The following CEMIP variants were observed in gnomAD, a reference collection of about 807,000 sequenced individuals.
The protein encoded by CEMIP is cell migration inducing hyaluronidase 1, also known as cell migration-inducing and hyaluronan-binding protein.
In CEMIP, 105 loss-of-function variants were observed where a neutral mutation model predicts 156.9. The observed-to-expected ratio is 0.67, with a 90% CI of 0.57 to 0.79. The LOEUF (loss-of-function observed/expected upper bound fraction) is 0.79. Ranked by LOEUF, CEMIP falls within the 30% of genes least tolerant of loss-of-function variation. The pLI is 0.00. For synonymous variants in CEMIP, 676 were observed against 668.4 expected (o/e 1.01, Z -0.17); for missense variants, 1,457 against 1,769.4 (o/e 0.82, Z 3.17).
At chr15:80,788,487 G>A (rs1329530480) in intron 1 of CEMIP, among the ~76,000 whole-genome samples, 12 of 141,048 alleles carry the variant, frequency 8.5e-5, no homozygotes, top group East Asian at 2.0e-4. Context: ...AAAAAAAAAA[G>A]AAAAAAGAAA....
intron 1 of CEMIP, among the ~76,000 whole-genome samples, chr15:80,861,078 C>T (rs529930734): frequency 7.9e-5 from 12 of 152,228 alleles, no homozygotes; most frequent in East Asian, 7.7e-4. Context: ...CCCCTGTCTC[C>T]GACAACTGGA....
Position 80,878,761 on chromosome 15 carries a change from C to T in CEMIP, c.135C>T (p.Pro45=). ...CTGACCAGAGCCCTGAGTTGCAACC[C>T]TGGAACCCTGGCCATGACCAAGACC... ...GCPDQSPELQ[P]WNPGHDQDHH... The change falls in exon 4 of 30, where the codon CCC becomes CCT. Residue 45 remains proline (P), a synonymous_variant. Transcript: ENST00000394685. 1 of 1,614,128 alleles carries T rather than the reference C, an allele frequency of 6.2e-7. No homozygotes were observed. Among genetic ancestry groups the T allele is most frequent in the Non-Finnish European group, 8.5e-7 (1 of 1,180,014 alleles).
intron 1 of CEMIP, among the ~76,000 whole-genome samples, chr15:80,836,598 C>G (rs1157080821): frequency 7.7e-6 from 1 of 130,236 alleles, no homozygotes; most frequent in African/African-American, 2.7e-5. Context: ...CCTATGAGTT[C>G]TTTTGTTTTT....
At chr15:80,872,163 C>T (rs1017973903) in intron 1 of CEMIP, among the ~76,000 whole-genome samples, 7 of 152,178 alleles carry the variant, frequency 4.6e-5, no homozygotes, top group East Asian at 1.9e-4. Context: ...CCAGACTTTT[C>T]GCTAAGCTGG....
At chr15:80,830,912 T>C (rs1897142522) in intron 1 of CEMIP, among the ~76,000 whole-genome samples, 1 of 152,156 alleles carries the variant, frequency 6.6e-6, no homozygotes, top group Admixed American at 6.5e-5. Flanking sequence ...AATATCTGCT[T>C]GTATCCATTA....
Position 80,895,861 on chromosome 15 carries a change from G to T in CEMIP, c.1220-8G>T. On this transcript the variant is annotated splice_polypyrimidine_tract_variant and splice_region_variant and intron_variant, in intron 11 of 29. Transcript: ENST00000394685. Reference sequence around the variant, plus strand: ...CTCTATCTCAGTCTTTCCTGTTTTGGGTTACAGTGAGGCCCAAACTCACAG... The same window carrying T: ...CTCTATCTCAGTCTTTCCTGTTTTGTGTTACAGTGAGGCCCAAACTCACAG... The T allele has an allele frequency of 6.2e-7, 1 of 1,614,012 alleles. No individual in the cohort carries two copies. Among genetic ancestry groups the T allele is most frequent in the Non-Finnish European group, 8.5e-7 (1 of 1,179,950 alleles).
At chr15:80,826,775 T>C (rs751229242) in intron 1 of CEMIP, among the ~76,000 whole-genome samples, 2 of 152,234 alleles carry the variant, frequency 1.3e-5, no homozygotes, top group Non-Finnish European at 2.9e-5. Flanking sequence ...GTGGCATTCA[T>C]GCTTCAGTGT....
chr15:80,829,990 G>GTT (rs1555428890), intron 1 of CEMIP, among the ~76,000 whole-genome samples: 3,239 of 149,268 alleles, frequency 0.022, 51 homozygotes, highest in Middle Eastern at 0.028. Context: ...GTGTGTGTGT[G>GTT]TGTGTGTGTG....
At chr15:80,939,206 A>G (rs759821364) in intron 25 of CEMIP, among the ~76,000 whole-genome samples, 6 of 152,156 alleles carry the variant, frequency 3.9e-5, no homozygotes, top group Non-Finnish European at 7.4e-5. Context: ...GCACTGGGCA[A>G]TTACAGGCTC....
At chr15:80,894,951 A>C in intron 10 of CEMIP, 39 bp from the exon 11 acceptor site, 2 of 1,613,774 alleles carry the variant, frequency 1.2e-6, no homozygotes, top group African/African-American at 1.3e-5. Flanking sequence ...TCTATAAAAA[A>C]AAAACGACTT....
At chr15:80,806,732 G>T (rs966481600) in intron 1 of CEMIP, among the ~76,000 whole-genome samples, 5 of 152,120 alleles carry the variant, frequency 3.3e-5, no homozygotes, top group African/African-American at 1.2e-4. Context: ...CTAACCTTTG[G>T]AGTTATGCCA....
chr15:80,943,854 C>T (rs1251472763), intron 28 of CEMIP, among the ~76,000 whole-genome samples: 1 of 152,216 alleles, frequency 6.6e-6, no homozygotes, highest in Non-Finnish European at 1.5e-5. Flanking sequence ...TCCATATTGG[C>T]CGCTGGTTTA....
chr15:80,874,017 G>A (rs1003054957), intron 3 of CEMIP, 44 bp downstream of exon 3: 1 of 1,515,050 alleles, frequency 6.6e-7, no homozygotes, highest in Non-Finnish European at 9.0e-7. Flanking sequence ...CAGCATGGAA[G>A]GCACGGCCCC....
chr15:80,797,310 T>C (rs1896254712), intron 1 of CEMIP, among the ~76,000 whole-genome samples: 1 of 152,104 alleles, frequency 6.6e-6, no homozygotes, highest in African/African-American at 2.4e-5. Context: ...CCATCGCTAT[T>C]CGATGCCACA....
intron 1 of CEMIP, among the ~76,000 whole-genome samples, chr15:80,794,284 A>G (rs2141585876): frequency 6.6e-6 from 1 of 152,296 alleles, no homozygotes; most frequent in South Asian, 2.1e-4. Context: ...TATTTTTTTA[A>G]CCAGAAGTTT....
intron 1 of CEMIP, among the ~76,000 whole-genome samples, chr15:80,865,871 C>T (rs117342877): frequency 6.6e-6 from 1 of 152,178 alleles, no homozygotes; most frequent in East Asian, 1.9e-4. Flanking sequence ...CTGGGAGGGT[C>T]ATGTGCATTA....
chr15:80,851,664 TA>T (rs1208766133), intron 1 of CEMIP, among the ~76,000 whole-genome samples: 1 of 152,070 alleles, frequency 6.6e-6, no homozygotes, highest in Non-Finnish European at 1.5e-5. Flanking sequence ...AGCAATGTGA[TA>T]AAAGGCACAG....
chr15:80,892,852 T>C (rs1899077529), intron 10 of CEMIP, among the ~76,000 whole-genome samples: 1 of 152,246 alleles, frequency 6.6e-6, no homozygotes, highest in Admixed American at 6.5e-5. Flanking sequence ...TGCAATGAAG[T>C]GTGCAGACTG....
chr15:80,781,799 T>C (rs543836042), intron 1 of CEMIP, among the ~76,000 whole-genome samples: 1 of 152,352 alleles, frequency 6.6e-6, no homozygotes, highest in African/African-American at 2.4e-5. Flanking sequence ...ATTGGTACAA[T>C]GTAAAGCATT....
Sources: gnomAD v4.1 joint callset for allele counts (sites outside exome capture counted in the v4.1 genomes callset) on GRCh38, gnomAD v4.1.1 for gene constraint, MANE v1.5 for transcripts, NCBI Gene and HGNC (gene_info 2026-07-23, HGNC 2026-07-21) for gene names.